The following PTPRK variants were observed in gnomAD, a reference collection of about 807,000 sequenced individuals.
The protein encoded by PTPRK is protein tyrosine phosphatase receptor type K.
PTPRK carries 75 observed loss-of-function variants against 178.0 expected under a neutral mutation model. That is an observed-to-expected ratio of 0.42 (90% CI 0.35 to 0.51). PTPRK has a LOEUF of 0.51. Ranked by LOEUF, PTPRK falls within the 20% of genes least tolerant of loss-of-function variation. The pLI is 0.02. For missense variants in PTPRK, 1,441 were observed against 1,797.8 expected (o/e 0.80, Z 3.59); for synonymous variants, 637 against 620.6 (o/e 1.03, Z -0.39).
intron 27 of PTPRK, among the ~76,000 whole-genome samples, chr6:127,975,009 C>G (rs1273044417): frequency 7.2e-5 from 11 of 152,034 alleles, no homozygotes; most frequent in Non-Finnish European, 8.8e-5. Flanking sequence ...CTACTTAGTA[C>G]TCTACAAACT....
Position 128,235,319 on chromosome 6 carries a change from C to T in PTPRK, c.693+4716G>A, listed in dbSNP as rs544357199. 195 of 154,332 alleles carry T rather than the reference C, an allele frequency of 1.3e-3. 1 individual carries two copies. Among genetic ancestry groups the T allele is most frequent in the Middle Eastern group, 3.3e-3 (1 of 304 alleles). The allele number at this position is 154,332 out of a possible 1,614,324, so 9.6% of individuals were successfully genotyped here. On this transcript the variant is annotated intron_variant, in intron 5 of 29. Transcript: ENST00000368226. Reference sequence around the variant, plus strand: ...ATTTAAAAATAACCAACATTTCTAACCTATAAAAGTGTACAATCTAATTTT... The same window carrying T: ...ATTTAAAAATAACCAACATTTCTAATCTATAAAAGTGTACAATCTAATTTT...
chr6:128,436,773 T>C (rs577640358), intron 1 of PTPRK, among the ~76,000 whole-genome samples: 1 of 152,274 alleles, frequency 6.6e-6, no homozygotes, highest in East Asian at 1.9e-4. Context: ...AGATTTTGCT[T>C]TGAGTTATCT....
In PTPRK at chr6:128,083,745, C is replaced by T; in HGVS notation, c.1545G>A (p.Leu515=). The T allele has an allele frequency of 6.2e-7, 1 of 1,603,756 alleles. No individual in the cohort carries two copies. Residue 515 remains leucine, a synonymous_variant, in exon 9 of 30, where the codon TTG becomes TTA. Coordinates refer to ENST00000368226, the MANE Select transcript of PTPRK (RefSeq NM_002844.4). ...NKIFLNWKEP[L]DPNGIITQYE... ...ATTGAGTGATGATTCCATTTGGATC[C>T]AAAGGTTCTTTCCAGTTCAAGAAGA...
intron 7 of PTPRK, among the ~76,000 whole-genome samples, chr6:128,111,063 A>G (rs1790574882): frequency 6.6e-6 from 1 of 152,158 alleles, no homozygotes; most frequent in South Asian, 2.1e-4. Flanking sequence ...CAACATCACA[A>G]TAGTTTTCTA....
intron 3 of PTPRK, among the ~76,000 whole-genome samples, chr6:128,272,434 G>T (rs1452410557): frequency 6.6e-6 from 1 of 151,526 alleles, no homozygotes; most frequent in African/African-American, 2.4e-5. Flanking sequence ...TTACAGAATG[G>T]GAAAAAATTT....
rs1856213109 is a variant in PTPRK, at chr6:128,505,546, T to C, written c.100+14713A>G. On this transcript the variant is annotated intron_variant, in intron 1 of 29. Transcript: ENST00000368226. ...AAGAAGACCTAGGTTAGTAGGAGCATCCAGTCAGAACACAAAGTTGCAAAT... is the reference window on the plus strand; with the variant it reads ...AAGAAGACCTAGGTTAGTAGGAGCACCCAGTCAGAACACAAAGTTGCAAAT... Among the ~76,000 whole-genome samples, 3 of 152,158 alleles carry C rather than the reference T, an allele frequency of 2.0e-5. No individual in the cohort carries two copies. The South Asian group carries it at 6.2e-4, about 32-fold the overall frequency.
intron 25 of PTPRK, among the ~76,000 whole-genome samples, chr6:127,980,894 A>C (rs2114628706): frequency 6.6e-6 from 1 of 152,348 alleles, no homozygotes; most frequent in South Asian, 2.1e-4. Context: ...ATAATTGACA[A>C]TCAAGCTCCA....
At chr6:128,057,347 C>T (rs1180552034) in intron 13 of PTPRK, among the ~76,000 whole-genome samples, 2 of 152,304 alleles carry the variant, frequency 1.3e-5, no homozygotes, top group East Asian at 1.9e-4. Flanking sequence ...GACTGATGTC[C>T]GGGAACTCGG....
chr6:128,363,183 A>C (rs9321116), intron 2 of PTPRK, among the ~76,000 whole-genome samples: 140,700 of 152,152 alleles, frequency 0.92, 66,056 homozygotes, highest in East Asian at 1. Flanking sequence ...TCCTGCTTGC[A>C]GTTAGATGGT....
intron 15 of PTPRK, among the ~76,000 whole-genome samples, chr6:128,000,564 T>C (rs1372536870): frequency 6.6e-6 from 1 of 151,994 alleles, no homozygotes; most frequent in Non-Finnish European, 1.5e-5. Context: ...ACAAAAACAT[T>C]GGCTAACAAA....
At chr6:128,218,352 C>A (rs1046601964) in intron 6 of PTPRK, among the ~76,000 whole-genome samples, 2 of 152,166 alleles carry the variant, frequency 1.3e-5, no homozygotes, top group African/African-American at 4.8e-5. Flanking sequence ...GTATTCACTA[C>A]AAATATGTAC....
At chr6:128,266,327 G>A (rs989206402) in intron 3 of PTPRK, among the ~76,000 whole-genome samples, 1 of 152,084 alleles carries the variant, frequency 6.6e-6, no homozygotes, top group African/African-American at 2.4e-5. Flanking sequence ...CATAGCAAAT[G>A]TCTACCAAAT....
intron 1 of PTPRK, among the ~76,000 whole-genome samples, chr6:128,431,672 T>G (rs2128394247): frequency 6.6e-6 from 1 of 152,326 alleles, no homozygotes; most frequent in African/African-American, 2.4e-5. Flanking sequence ...GATGTAATTG[T>G]TTGTTTTTCT....
At chr6:128,302,369 G>T (rs1825757010) in intron 3 of PTPRK, among the ~76,000 whole-genome samples, 1 of 132,822 alleles carries the variant, frequency 7.5e-6, no homozygotes, top group African/African-American at 2.9e-5. Flanking sequence ...TCCAGCCTGG[G>T]CGACAGAGGA....
intron 5 of PTPRK, among the ~76,000 whole-genome samples, chr6:128,237,127 A>G (rs1813433134): frequency 6.6e-6 from 1 of 152,194 alleles, no homozygotes; most frequent in African/African-American, 2.4e-5. Context: ...TACACCTTTC[A>G]CAGAGTTATA....
intron 7 of PTPRK, among the ~76,000 whole-genome samples, chr6:128,176,960 G>A (rs1032916746): frequency 6.6e-6 from 1 of 151,588 alleles, no homozygotes; most frequent in African/African-American, 2.4e-5. Flanking sequence ...CTGATTTAGA[G>A]ATTTCTTTCA....
chr6:128,358,244 A>T (rs763353406), intron 2 of PTPRK, among the ~76,000 whole-genome samples: 1 of 152,220 alleles, frequency 6.6e-6, no homozygotes, highest in Non-Finnish European at 1.5e-5. Context: ...CTTGGCCCTG[A>T]AGGAGAGGGC....
chr6:128,403,000 A>G (rs948889834), intron 1 of PTPRK, among the ~76,000 whole-genome samples: 34 of 152,190 alleles, frequency 2.2e-4, no homozygotes, highest in Admixed American at 2.1e-3. Flanking sequence ...TTCATTAAGG[A>G]AAAACAACTA....
rs540297635 is a variant in PTPRK at position 127,989,269 on chromosome 6, T to C, written c.3096+1500A>G. Among the ~76,000 whole-genome samples, 5 of 152,182 alleles carry C rather than the reference T, an allele frequency of 3.3e-5. No individual in the cohort carries two copies. The East Asian group carries it at 9.8e-4, about 30-fold the overall frequency. On this transcript the variant is annotated intron_variant, in intron 21 of 29. Transcript: ENST00000368226. ...TTCATTAAATCAAGCTTAATGGTTC[T>C]TTCTGAAATCTCCCATATCAATTGC...
Sources: allele counts gnomAD v4.1 joint callset (sites outside exome capture counted in the v4.1 genomes callset), GRCh38; gene constraint gnomAD v4.1.1; transcripts MANE v1.5; gene names NCBI Gene and HGNC (gene_info 2026-07-23, HGNC 2026-07-21).